Variants in ATF7IP observed in about 807,000 individuals in gnomAD.
ATF7IP encodes activating transcription factor 7 interacting protein, also known as activating transcription factor 7-interacting protein 1.
In ATF7IP, 23 loss-of-function variants were observed where a neutral mutation model predicts 106.4. That is an observed-to-expected ratio of 0.22 (90% CI 0.16 to 0.31). The LOEUF is 0.31. Among genes scored for constraint, ATF7IP ranks in the 10% least tolerant of loss-of-function variants. The pLI, the probability that ATF7IP is intolerant of heterozygous loss-of-function variation, is 1.00. For missense variants in ATF7IP, 1,334 were observed against 1,524.3 expected, an observed-to-expected ratio of 0.88 and a Z score of 2.08; for synonymous variants, 542 against 539.0, an observed-to-expected ratio of 1.01 and a Z score of -0.08.
In ATF7IP at chr12:14,460,618, T is replaced by C; in HGVS notation, c.2282T>C (p.Val761Ala). 1.2e-6 allele frequency: 2 copies of C among 1,614,170 alleles called. No individual in the cohort carries two copies. Among genetic ancestry groups the C allele is most frequent in the South Asian group, 2.2e-5 (2 of 91,084 alleles). The stretch of plus-strand genomic sequence containing the variant: ...CTTCCTGCACCCAATACAGCTACTG[T>C]AGTTGCTACTACTCAGGTGCCTAGT... ...SVLPAPNTAT[V>A]VATTQVPSGN... Residue 761 changes from valine (V) to alanine (A), a missense_variant, in exon 9 of 15, where the codon GTA (valine) becomes GCA (alanine). Coordinates refer to ENST00000261168, the MANE Select transcript of ATF7IP (RefSeq NM_018179.5).
rs562801095 is a variant in ATF7IP, at chr12:14,488,682, C to T, written c.3280+7497C>T. On this transcript the variant is annotated intron_variant, in intron 13 of 14. Coordinates refer to ENST00000261168, the MANE Select transcript of ATF7IP (RefSeq NM_018179.5). The stretch of plus-strand genomic sequence containing the variant: ...CCGCTTGTCAACCTGAACCCATATA[C>T]ATCTCCTAATATCATACGCAGCCTT... Among the ~76,000 whole-genome samples the T allele has an allele frequency of 2.6e-5, 4 of 152,260 alleles. No individual in the cohort carries two copies. In the South Asian group the frequency reaches 6.2e-4, roughly 24 times the overall value.
intron 1 of ATF7IP, among the ~76,000 whole-genome samples, chr12:14,406,923 T>C (rs1377385889): frequency 6.6e-6 from 1 of 152,186 alleles, no homozygotes; most frequent in East Asian, 1.9e-4. Flanking sequence ...AAATTTCATT[T>C]AAAAATCTAA....
chr12:14,478,459 C>T lies in ATF7IP; in HGVS notation c.3084C>T (p.His1028=), dbSNP rs1170477878. The T allele has an allele frequency of 6.2e-7, 1 of 1,613,876 alleles. No individual in the cohort carries two copies. Among genetic ancestry groups the T allele is most frequent in the East Asian group, 2.2e-5 (1 of 44,888 alleles). ...GTGGACCATCTCAGACCACCATACA[C>T]TTACTACCTACAGGTAAATTTGTTG... The part of the protein sequence containing the change: ...PTSGPSQTTI[H]LLPTAPTTVN... The change falls in exon 12 of 15, where the codon CAC becomes CAT. Residue 1028 remains histidine (H), a synonymous_variant. Coordinates refer to ENST00000261168, the MANE Select transcript of ATF7IP (RefSeq NM_018179.5).
chr12:14,458,685 T>C (rs1943530311), intron 8 of ATF7IP, among the ~76,000 whole-genome samples: 1 of 152,080 alleles, frequency 6.6e-6, no homozygotes, highest in African/African-American at 2.4e-5. Context: ...TAGCCAGACA[T>C]GGTGGTGCAC....
In ATF7IP at chr12:14,500,468, A is replaced by AT. The variant is rs1296804985; in HGVS notation, c.*2396dup. 3 of 152,242 alleles carry AT rather than the reference A, an allele frequency of 2.0e-5. No homozygotes were observed. Among genetic ancestry groups the AT allele is most frequent in the African/African-American group, 7.2e-5 (3 of 41,466 alleles). The allele number at this position is 152,242 out of a possible 1,614,324, so 9.4% of individuals were successfully genotyped here. A position where few individuals can be genotyped will look rare whatever the true frequency, so the allele number is the denominator to read the frequency against. On this transcript the variant is annotated 3_prime_UTR_variant, in exon 15 of 15. Transcript: ENST00000261168. ...TGATGGTAAAGAAGTTGCCAGTGTT[A>AT]TGGCAATGAAAATTTCAGAAAGGAG...
chr12:14,447,281 CTTTTTTT>C (rs58719124), intron 6 of ATF7IP, among the ~76,000 whole-genome samples: 1 of 87,848 alleles, frequency 1.1e-5, no homozygotes. Context: ...TTATGCAATT[CTTTTTTT>C]TTTTTTTTTT....
chr12:14,438,330 G>T, intron 5 of ATF7IP, 63 bp downstream of exon 5: 1 of 1,371,308 alleles, frequency 7.3e-7, no homozygotes, highest in African/African-American at 1.5e-5. Context: ...TATTTTCTGA[G>T]ATATATATTT....
intron 10 of ATF7IP, 143 bp from the exon 11 acceptor site, chr12:14,475,747 T>G: frequency 1.7e-6 from 1 of 578,400 alleles, no homozygotes; most frequent in Non-Finnish European, 3.1e-6. Context: ...TGACAAACTC[T>G]CTTTATTCAG....
At chr12:14,417,453 G>A (rs1390029700) in intron 1 of ATF7IP, among the ~76,000 whole-genome samples, 1 of 151,886 alleles carries the variant, frequency 6.6e-6, no homozygotes, top group African/African-American at 2.4e-5. Flanking sequence ...GTGGTAGATG[G>A]GTATGAAGAT....
intron 2 of ATF7IP, among the ~76,000 whole-genome samples, chr12:14,431,794 A>G (rs1178183899): frequency 6.6e-6 from 1 of 152,134 alleles, no homozygotes; most frequent in African/African-American, 2.4e-5. Context: ...AGGGCCTTTG[A>G]TTATTACTCT....
At chr12:14,405,938 G>A (rs1940554276) in intron 1 of ATF7IP, among the ~76,000 whole-genome samples, 1 of 152,104 alleles carries the variant, frequency 6.6e-6, no homozygotes, top group Admixed American at 6.5e-5. Flanking sequence ...TGTTTTGCAA[G>A]CATCATGTCT....
chr12:14,441,897 G>A (rs1942730532), intron 5 of ATF7IP, among the ~76,000 whole-genome samples: 1 of 152,098 alleles, frequency 6.6e-6, no homozygotes, highest in Admixed American at 6.6e-5. Context: ...TCTTGATAAT[G>A]CCTTTTGATG....
intron 9 of ATF7IP, among the ~76,000 whole-genome samples, chr12:14,463,368 T>C (rs868188097): frequency 2.6e-5 from 4 of 152,150 alleles, no homozygotes; most frequent in Admixed American, 2.0e-4. Flanking sequence ...AATTTAAAGC[T>C]CAAACTATAG....
chr12:14,498,067 C>T lies in ATF7IP; in HGVS notation c.3807C>T (p.Ser1269=). ...CAGATGTGATCTCTTCTACCCAGAGCAGTTAAACCTTGGAGCCTTTATATT... is the reference window on the plus strand; with the variant it reads ...CAGATGTGATCTCTTCTACCCAGAGTAGTTAAACCTTGGAGCCTTTATATT... ...QSTDVISSTQ[S]S Residue 1269 remains serine, a synonymous_variant, in exon 15 of 15, where the codon AGC becomes AGT. Transcript: ENST00000261168. The T allele has an allele frequency of 1.9e-6, 3 of 1,572,984 alleles. No individual in the cohort carries two copies. The highest frequency in any genetic ancestry group is 2.6e-6 in the Non-Finnish European group (3 of 1,154,972).
Position 14,413,463 on chromosome 12 carries a change from A to G in ATF7IP, c.-7-10446A>G, listed in dbSNP as rs116522822. On this transcript the variant is annotated intron_variant, in intron 1 of 14. Coordinates refer to ENST00000261168, the MANE Select transcript of ATF7IP (RefSeq NM_018179.5). ...AAGAGATAAAGAAGACAATTGCTGA[A>G]CATTCTATTAAAATGGTACCAAAAC... Among the ~76,000 whole-genome samples the G allele has an allele frequency of 2.2e-3, 339 of 152,286 alleles. 1 individual carries two copies. The highest frequency in any genetic ancestry group is 7.8e-3 in the African/African-American group (324 of 41,566).
intron 1 of ATF7IP, among the ~76,000 whole-genome samples, chr12:14,398,678 C>CT (rs1375701936): frequency 2.6e-5 from 4 of 151,930 alleles, no homozygotes; most frequent in Non-Finnish European, 5.9e-5. Context: ...AGATTTATTT[C>CT]TGATTGTGAA....
rs1022422793 is a variant in ATF7IP at position 14,481,512 on chromosome 12, A to G, written c.3280+327A>G. 1.0e-5 allele frequency: 4 copies of G among 398,744 alleles called. No homozygotes were observed. The Admixed American group carries it at 1.5e-4, about 14-fold the overall frequency. 24.7% of individuals were successfully genotyped at this position (398,744 alleles called of 1,614,324 possible). ...GCATATTTCAAACATGTTGTATACC[A>G]TAAATATATATAATTTTTGTCAATT... is the stretch of plus-strand genomic sequence containing the variant. On this transcript the variant is annotated intron_variant, in intron 13 of 14. Transcript: ENST00000261168.
chr12:14,497,757 TGA>T lies in ATF7IP; in HGVS notation c.3498_3499del (p.Lys1167ValfsTer27). The T allele has an allele frequency of 6.2e-7, 1 of 1,614,100 alleles. No individual in the cohort carries two copies. Among genetic ancestry groups the T allele is most frequent in the Non-Finnish European group, 8.5e-7 (1 of 1,180,008 alleles). On this transcript the variant is annotated frameshift_variant, in exon 15 of 15. Coordinates refer to ENST00000261168, the MANE Select transcript of ATF7IP (RefSeq NM_018179.5). LOFTEE classifies it high-confidence loss of function. ...ACATCTCTGCCTCAGAAGCCACACTTGAAGTTAGCACGCGTTCAGAGTCAAAA... is the reference window on the plus strand; with the variant it reads ...ACATCTCTGCCTCAGAAGCCACACTTAGTTAGCACGCGTTCAGAGTCAAAA...
At position 14,501,607 on chromosome 12, in the gene ATF7IP, G is replaced by C. The variant is rs905054126; in HGVS notation, c.*3534G>C. 6.6e-6 allele frequency: 1 copy of C among 152,114 alleles called. No individual in the cohort carries two copies. Among genetic ancestry groups the C allele is most frequent in the African/African-American group, 2.4e-5 (1 of 41,432 alleles). The allele number at this position is 152,114 out of a possible 1,614,324, so 9.4% of individuals were successfully genotyped here. ...GCATACTGTTTAAGGTAGTATATAA[G>C]TTTATGAGAGAAGTGGAGAGCTTTC... On this transcript the variant is annotated 3_prime_UTR_variant, in exon 15 of 15. Coordinates refer to ENST00000261168, the MANE Select transcript of ATF7IP (RefSeq NM_018179.5).
Sources: gnomAD v4.1 joint callset for allele counts (sites outside exome capture counted in the v4.1 genomes callset) on GRCh38, gnomAD v4.1.1 for gene constraint, MANE v1.5 for transcripts, NCBI Gene and HGNC (gene_info 2026-07-23, HGNC 2026-07-21) for gene names.